The following FHOD3 variants were observed in gnomAD, a reference collection of about 807,000 sequenced individuals.
FHOD3 encodes the protein FH1/FH2 domain-containing protein 3.
A neutral mutation model predicts 173.0 loss-of-function variants in FHOD3; 90 were observed. The ratio of observed to expected loss-of-function variants is 0.52; its 90% CI spans 0.44 to 0.62. The LOEUF (loss-of-function observed/expected upper bound fraction) is 0.62. Ranked by LOEUF, FHOD3 falls within the 20% of genes least tolerant of loss-of-function variation. The pLI is 0.00. For missense variants in FHOD3, 1,945 were observed against 2,034.7 expected (o/e 0.96, Z 0.85); for synonymous variants, 828 against 823.0 (o/e 1.01, Z -0.10).
At chr18:36,652,979 A>G (rs2036168706) in intron 12 of FHOD3, 50 bp downstream of exon 12, 1 of 1,491,702 alleles carries the variant, frequency 6.7e-7, no homozygotes, top group South Asian at 1.3e-5. Context: ...GGGGAGGAGA[A>G]CACAGTGTGT....
chr18:36,771,839 A>C (rs2043396682), intron 28 of FHOD3, among the ~76,000 whole-genome samples: 1 of 152,210 alleles, frequency 6.6e-6, no homozygotes, highest in Non-Finnish European at 1.5e-5. Context: ...TGGCACCCTG[A>C]CAGAGGGTTG....
chr18:36,396,659 A>G (rs12605723), intron 3 of FHOD3, among the ~76,000 whole-genome samples: 32,699 of 151,998 alleles, frequency 0.22, 4,115 homozygotes, highest in East Asian at 0.67. Context: ...TATAAATTTG[A>G]TTTTAGGTAT....
At chr18:36,388,567 C>T (rs971512097) in intron 3 of FHOD3, among the ~76,000 whole-genome samples, 3 of 152,306 alleles carry the variant, frequency 2.0e-5, no homozygotes, top group South Asian at 4.1e-4. Context: ...GGTTTCCTCT[C>T]GGCAGAGCCT....
At chr18:36,535,437 T>C (rs773758732) in intron 5 of FHOD3, among the ~76,000 whole-genome samples, 4 of 152,078 alleles carry the variant, frequency 2.6e-5, no homozygotes, top group African/African-American at 4.8e-5. Flanking sequence ...AAGTAAAGGG[T>C]GAAGCTCAGG....
At chr18:36,707,960 G>A (rs1259080411) in intron 17 of FHOD3, among the ~76,000 whole-genome samples, 2 of 152,126 alleles carry the variant, frequency 1.3e-5, no homozygotes, top group Non-Finnish European at 2.9e-5. Context: ...CCTTAAGAGT[G>A]AGCCACCCTC....
chr18:36,548,094 A>G (rs995053770), intron 5 of FHOD3, among the ~76,000 whole-genome samples: 8 of 152,142 alleles, frequency 5.3e-5, no homozygotes, highest in African/African-American at 1.9e-4. Flanking sequence ...TGGGAGGCTG[A>G]GGCAGGAGAA....
At chr18:36,736,822 A>G (rs1296795574) in intron 20 of FHOD3, among the ~76,000 whole-genome samples, 6 of 152,216 alleles carry the variant, frequency 3.9e-5, no homozygotes, top group Non-Finnish European at 7.3e-5. Flanking sequence ...CCACAGTTCC[A>G]GGCTTGAGGG....
At chr18:36,640,335 A>C (rs868352348) in intron 10 of FHOD3, among the ~76,000 whole-genome samples, 21 of 152,334 alleles carry the variant, frequency 1.4e-4, no homozygotes, top group Middle Eastern at 3.4e-3. Context: ...TTTTAAGTGA[A>C]ATCACTGATT....
intron 8 of FHOD3, among the ~76,000 whole-genome samples, chr18:36,610,699 A>G (rs941239792): frequency 6.6e-6 from 1 of 152,232 alleles, no homozygotes; most frequent in African/African-American, 2.4e-5. Flanking sequence ...TAGCCCCAAG[A>G]TAGAAGTGTT....
chr18:36,458,471 G>A (rs1313946062), intron 3 of FHOD3, among the ~76,000 whole-genome samples: 2 of 151,980 alleles, frequency 1.3e-5, no homozygotes, highest in Admixed American at 1.3e-4. Context: ...CATATCATGG[G>A]TTGCCACAGA....
intron 3 of FHOD3, among the ~76,000 whole-genome samples, chr18:36,460,784 G>A (rs1008470375): frequency 6.6e-6 from 1 of 152,190 alleles, no homozygotes; most frequent in Non-Finnish European, 1.5e-5. Context: ...TGGACATTAA[G>A]ACCTGTGTCA....
At chr18:36,448,337 A>T (rs1042557055) in intron 3 of FHOD3, among the ~76,000 whole-genome samples, 1 of 152,200 alleles carries the variant, frequency 6.6e-6, no homozygotes, top group African/African-American at 2.4e-5. Flanking sequence ...AAAACAATGG[A>T]TGTGTAACTG....
intron 3 of FHOD3, among the ~76,000 whole-genome samples, chr18:36,471,937 A>G (rs1272958604): frequency 2.0e-5 from 3 of 152,208 alleles, no homozygotes; most frequent in Non-Finnish European, 2.9e-5. Flanking sequence ...AAAGAATCCA[A>G]TCCAGATGGA....
rs562527129 is a variant in FHOD3, at chr18:36,553,366, G to A, written c.512-23085G>A. Among the ~76,000 whole-genome samples the A allele has an allele frequency of 2.0e-3, 297 of 152,242 alleles. 1 individual carries two copies. Among genetic ancestry groups the A allele is most frequent in the Non-Finnish European group, 2.3e-3 (154 of 68,008 alleles). On this transcript the variant is annotated intron_variant, in intron 5 of 28. Coordinates refer to ENST00000590592, the MANE Select transcript of FHOD3 (RefSeq NM_001281740.3). ...GTTAGGGAGGATTCCCTCTTTTTCTGTTGATTGGAATAGTTTCAGAAGGAA... is the reference window on the plus strand; with the variant it reads ...GTTAGGGAGGATTCCCTCTTTTTCTATTGATTGGAATAGTTTCAGAAGGAA...
At chr18:36,617,347 T>C (rs1042014743) in intron 9 of FHOD3, among the ~76,000 whole-genome samples, 5 of 152,204 alleles carry the variant, frequency 3.3e-5, no homozygotes, top group Non-Finnish European at 5.9e-5. Context: ...GAATTTTGTC[T>C]GTTTTCAAGC....
intron 27 of FHOD3, 52 bp from the exon 28 acceptor site, chr18:36,769,212 CT>C: frequency 6.3e-7 from 1 of 1,589,028 alleles, no homozygotes; most frequent in Non-Finnish European, 8.6e-7. Flanking sequence ...CTGCATATAT[CT>C]TTTGTGTTTT....
intron 3 of FHOD3, among the ~76,000 whole-genome samples, chr18:36,393,598 A>G (rs1264619204): frequency 4.6e-5 from 7 of 152,142 alleles, no homozygotes; most frequent in South Asian, 2.1e-4. Flanking sequence ...CGTAATCCCC[A>G]CCAATTCAGG....
chr18:36,516,423 C>G (rs984032759), intron 5 of FHOD3, among the ~76,000 whole-genome samples: 20 of 152,326 alleles, frequency 1.3e-4, no homozygotes, highest in African/African-American at 4.8e-4. Context: ...AAGGGACAGG[C>G]AAGCCAGCTG....
chr18:36,675,684 TG>T (rs1283442890), intron 14 of FHOD3, among the ~76,000 whole-genome samples: 2 of 152,138 alleles, frequency 1.3e-5, no homozygotes, highest in African/African-American at 4.8e-5. Flanking sequence ...GAGAATAGGC[TG>T]GGGGTCTGGG....
Sources: gnomAD v4.1 joint callset for allele counts (sites outside exome capture counted in the v4.1 genomes callset) on GRCh38, gnomAD v4.1.1 for gene constraint, MANE v1.5 for transcripts, NCBI Gene and HGNC (gene_info 2026-07-23, HGNC 2026-07-21) for gene names.